EPB41L3: variants seen among roughly 807,000 people sequenced by gnomAD.
EPB41L3 encodes the protein erythrocyte membrane protein band 4.1 like 3, also known as band 4.1-like protein 3.
A neutral mutation model predicts 127.1 loss-of-function variants in EPB41L3; 57 were observed. The observed-to-expected ratio is 0.45, with a 90% CI of 0.36 to 0.56. The LOEUF (loss-of-function observed/expected upper bound fraction) is 0.56. EPB41L3 is among the 20% of genes least tolerant of loss of function. The pLI, the probability that EPB41L3 is intolerant of heterozygous loss-of-function variation, is 0.00. For synonymous variants in EPB41L3, 572 were observed against 549.5 expected (o/e 1.04, Z -0.57); for missense variants, 1,273 against 1,372.2 (o/e 0.93, Z 1.14).
At chr18:5,565,451 T>C (rs1243141015) in intron 3 of EPB41L3, among the ~76,000 whole-genome samples, 3 of 151,384 alleles carry the variant, frequency 2.0e-5, no homozygotes, top group East Asian at 3.9e-4. Context: ...TTCTTCTCTT[T>C]TCTTTTTTTT....
chr18:5,559,748 A>T (rs2094096825), intron 3 of EPB41L3, among the ~76,000 whole-genome samples: 6 of 122,538 alleles, frequency 4.9e-5, no homozygotes, highest in Admixed American at 4.0e-4. Flanking sequence ...CTTAGAAAAA[A>T]ATCCTACGAA....
chr18:5,533,369 C>T (rs1256585200), intron 1 of EPB41L3, among the ~76,000 whole-genome samples: 1 of 152,004 alleles, frequency 6.6e-6, no homozygotes, highest in Non-Finnish European at 1.5e-5. Flanking sequence ...TTGTTGTCCC[C>T]CTATGTGGAT....
chr18:5,559,949 A>G (rs1168882583), intron 3 of EPB41L3, among the ~76,000 whole-genome samples: 1 of 152,224 alleles, frequency 6.6e-6, no homozygotes, highest in Non-Finnish European at 1.5e-5. Context: ...ACTCTGTAGA[A>G]TGAGCATGTT....
intron 6 of EPB41L3, among the ~76,000 whole-genome samples, chr18:5,436,859 T>C (rs964124284): frequency 3.3e-5 from 5 of 152,244 alleles, no homozygotes; most frequent in Non-Finnish European, 5.9e-5. Context: ...AAAAATCCTC[T>C]GGAACTAATT....
intron 3 of EPB41L3, among the ~76,000 whole-genome samples, chr18:5,588,296 T>A (rs558352198): frequency 6.6e-6 from 1 of 152,220 alleles, no homozygotes; most frequent in African/African-American, 2.4e-5. Flanking sequence ...AACAAAATTA[T>A]ATGAATAGGA....
At chr18:5,541,455 C>G (rs1398215004) in intron 1 of EPB41L3, among the ~76,000 whole-genome samples, 2 of 151,924 alleles carry the variant, frequency 1.3e-5, no homozygotes, top group Non-Finnish European at 2.9e-5. Context: ...AATACTTTTA[C>G]AGCAAGTTCC....
At chr18:5,617,420 G>A (rs868083760) in intron 1 of EPB41L3, among the ~76,000 whole-genome samples, 12 of 151,406 alleles carry the variant, frequency 7.9e-5, no homozygotes, top group Admixed American at 2.6e-4. Context: ...CCAGGTTCAC[G>A]CCATTCTCCT....
intron 3 of EPB41L3, among the ~76,000 whole-genome samples, chr18:5,462,054 T>C (rs2084096942): frequency 6.6e-6 from 1 of 152,206 alleles, no homozygotes; most frequent in Admixed American, 6.5e-5. Context: ...TGCTGGAGGC[T>C]ACACTTAAAG....
rs1390998319 is a variant in EPB41L3 at position 5,396,943 on chromosome 18, A to G, written c.2841+115T>C. On this transcript the variant is annotated intron_variant, in intron 18 of 22. Coordinates refer to ENST00000341928, the MANE Select transcript of EPB41L3 (RefSeq NM_012307.5). Reference sequence around the variant, plus strand: ...AAGGAAATGAGAGGAGAAATACACTATACATGGGAGAGGCAGAAAATTAAA... The same window carrying G: ...AAGGAAATGAGAGGAGAAATACACTGTACATGGGAGAGGCAGAAAATTAAA... The G allele has an allele frequency of 6.3e-6, 7 of 1,109,678 alleles. No homozygotes were observed. In the South Asian group the frequency reaches 9.1e-5, roughly 14 times the overall value. The allele number at this position is 1,109,678 out of a possible 1,614,324, so 68.7% of individuals were successfully genotyped here.
intron 3 of EPB41L3, among the ~76,000 whole-genome samples, chr18:5,600,414 C>T (rs2094578375): frequency 6.6e-6 from 1 of 152,120 alleles, no homozygotes; most frequent in African/African-American, 2.4e-5. Flanking sequence ...GAAGGAATGT[C>T]TGTATAAATC....
intron 1 of EPB41L3, among the ~76,000 whole-genome samples, chr18:5,505,378 A>G (rs2092066036): frequency 1.3e-5 from 2 of 152,024 alleles, no homozygotes; most frequent in Non-Finnish European, 2.9e-5. Context: ...TACCTTCAGA[A>G]TATCTCCAGA....
intron 1 of EPB41L3, among the ~76,000 whole-genome samples, chr18:5,616,945 C>T (rs538085091): frequency 1.3e-4 from 20 of 152,216 alleles, no homozygotes; most frequent in African/African-American, 4.6e-4. Context: ...TGAAACATTT[C>T]TTGTGTATAC....
intron 1 of EPB41L3, among the ~76,000 whole-genome samples, chr18:5,621,272 G>A (rs1359499868): frequency 6.6e-6 from 1 of 152,174 alleles, no homozygotes; most frequent in Non-Finnish European, 1.5e-5. Flanking sequence ...GCAGGGGAGA[G>A]ATCTCCAGTG....
At chr18:5,395,421 G>A (rs2073215504) in intron 20 of EPB41L3, among the ~76,000 whole-genome samples, 188 bp downstream of exon 20, 1 of 152,172 alleles carries the variant, frequency 6.6e-6, no homozygotes. Flanking sequence ...TCCTAAAGGG[G>A]AACTCGCACG....
intron 2 of EPB41L3, chr18:5,479,860 G>T (rs2088056971): frequency 6.6e-6 from 1 of 152,134 alleles, no homozygotes; most frequent in Admixed American, 6.5e-5. Flanking sequence ...AAAATAGTAA[G>T]TGCAAGAAAA....
At chr18:5,547,784 G>A (rs1442139497), upstream of EPB41L3, among the ~76,000 whole-genome samples, 1 of 152,122 alleles carries the variant, frequency 6.6e-6, no homozygotes, top group Non-Finnish European at 1.5e-5. Context: ...ATGAGTAACT[G>A]GTATTCTGCT....
intron 1 of EPB41L3, among the ~76,000 whole-genome samples, chr18:5,509,155 A>G (rs2092388387): frequency 6.6e-6 from 1 of 152,224 alleles, no homozygotes; most frequent in Non-Finnish European, 1.5e-5. Flanking sequence ...TTTTTAACAG[A>G]AAAGAGCTCC....
chr18:5,463,379 CTG>C (rs1301554500), intron 3 of EPB41L3, among the ~76,000 whole-genome samples: 1 of 152,182 alleles, frequency 6.6e-6, no homozygotes, highest in Non-Finnish European at 1.5e-5. Context: ...ATCCCTGAAA[CTG>C]TGAATAAAGT....
At chr18:5,618,592 G>A (rs1599357275) in intron 1 of EPB41L3, among the ~76,000 whole-genome samples, 1 of 152,288 alleles carries the variant, frequency 6.6e-6, no homozygotes, top group Non-Finnish European at 1.5e-5. Context: ...CATCTTTGAT[G>A]CTCCTTCTCA....
Sources: gnomAD v4.1 joint callset for allele counts (sites outside exome capture counted in the v4.1 genomes callset) on GRCh38, gnomAD v4.1.1 for gene constraint, MANE v1.5 for transcripts, NCBI Gene and HGNC (gene_info 2026-07-23, HGNC 2026-07-21) for gene names.